The following TMEM272 variants were observed in gnomAD, a reference collection of about 807,000 sequenced individuals.
The protein encoded by TMEM272 is long intergenic non-protein coding RNA 282.
Under a neutral mutation model 3.7 loss-of-function variants are expected in TMEM272, and 8 were observed. The ratio of observed to expected loss-of-function variants is 2.17; its 90% CI spans 1.27 to 3.91. The LOEUF is 3.91. Among genes scored for constraint, TMEM272 ranks in the 30% most tolerant of loss-of-function variants. The probability of loss-of-function intolerance (pLI) is 0.00; values close to 1 mark genes in which losing one functional copy is unlikely to be tolerated. For missense variants in TMEM272, 166 were observed against 91.5 expected (o/e 1.81, Z -3.32); for synonymous variants, 63 against 39.8 (o/e 1.58, Z -2.20).
chr13:51,910,491 A>C, the TMEM272 span: 2 of 755,702 alleles, frequency 2.6e-6, no homozygotes, highest in Non-Finnish European at 4.9e-6. Context: ...TGCACATATC[A>C]CCAATTCCCA....
the TMEM272 span, among the ~76,000 whole-genome samples, chr13:51,917,717 G>A: frequency 1.3e-5 from 2 of 152,158 alleles, no homozygotes; most frequent in Non-Finnish European, 2.9e-5. Flanking sequence ...CTGAGTTCAC[G>A]TTTCTGAGCT....
chr13:51,873,329 T>C, the TMEM272 span, among the ~76,000 whole-genome samples: 18 of 152,190 alleles, frequency 1.2e-4, no homozygotes, highest in Non-Finnish European at 5.9e-5. Context: ...TATGTAGTTA[T>C]GTAAAATATA....
the TMEM272 span, among the ~76,000 whole-genome samples, chr13:51,857,519 T>C: frequency 1.3e-5 from 2 of 151,986 alleles, no homozygotes; most frequent in Non-Finnish European, 2.9e-5. Context: ...ATAAGTGGAG[T>C]TAAAATCATC....
At chr13:51,845,353 A>G (rs1956296868), upstream of TMEM272, among the ~76,000 whole-genome samples, 1 of 152,104 alleles carries the variant, frequency 6.6e-6, no homozygotes, top group South Asian at 2.1e-4. Flanking sequence ...TTCCCGCGGG[A>G]AACATTTCAT....
the TMEM272 span, chr13:51,933,140 G>A: frequency 2.0e-5 from 3 of 152,208 alleles, no homozygotes; most frequent in African/African-American, 4.8e-5. Context: ...TAGATCACCT[G>A]GTAGATTTGT....
At chr13:51,874,891 T>C in the TMEM272 span, among the ~76,000 whole-genome samples, 1 of 152,154 alleles carries the variant, frequency 6.6e-6, no homozygotes, top group African/African-American at 2.4e-5. Context: ...TTAAGTAATA[T>C]AAAACAATGC....
At chr13:51,888,117 C>T in the TMEM272 span, among the ~76,000 whole-genome samples, 1 of 151,564 alleles carries the variant, frequency 6.6e-6, no homozygotes, top group Non-Finnish European at 1.5e-5. Context: ...GTAATCTCAG[C>T]TCACTGCAAA....
upstream of TMEM272, among the ~76,000 whole-genome samples, chr13:51,847,120 C>T (rs975336988): frequency 1.1e-4 from 17 of 152,106 alleles, no homozygotes; most frequent in African/African-American, 2.4e-4. Context: ...GTATTTTCTA[C>T]GTTTAGATAC....
At chr13:51,879,355 G>A in the TMEM272 span, among the ~76,000 whole-genome samples, 11 of 7,650 alleles carry the variant, frequency 1.4e-3, no homozygotes, top group Admixed American at 0.017. Context: ...GTTAGCTCAT[G>A]TTCCTTTTCT....
intron 2 of TMEM272, among the ~76,000 whole-genome samples, chr13:51,836,822 C>T (rs1173598482): frequency 6.6e-6 from 1 of 152,126 alleles, no homozygotes; most frequent in Non-Finnish European, 1.5e-5. Flanking sequence ...AAAACAGAAG[C>T]TGGTGTTCCT....
the TMEM272 span, among the ~76,000 whole-genome samples, chr13:51,925,915 G>A: frequency 2.6e-5 from 4 of 152,172 alleles, no homozygotes; most frequent in African/African-American, 9.7e-5. Context: ...GTGTTTATGT[G>A]TGCAGTGGTG....
chr13:51,859,244 A>T, the TMEM272 span, among the ~76,000 whole-genome samples: 1 of 152,104 alleles, frequency 6.6e-6, no homozygotes, highest in Non-Finnish European at 1.5e-5. Flanking sequence ...GCTGGGGTTA[A>T]CCATAGGCTT....
At chr13:51,841,573 T>G (rs1593600597) in intron 1 of TMEM272, among the ~76,000 whole-genome samples, 1 of 152,206 alleles carries the variant, frequency 6.6e-6, no homozygotes, top group Non-Finnish European at 1.5e-5. Flanking sequence ...GAACAATGTT[T>G]CACCACAAAA....
At chr13:51,821,924 C>G (rs1257307248) in intron 4 of TMEM272, 131 bp downstream of exon 4, 1 of 681,984 alleles carries the variant, frequency 1.5e-6, no homozygotes, top group Non-Finnish European at 2.7e-6. Context: ...AGCCCCATCA[C>G]TTCAGCAACC....
chr13:51,915,006 A>C, the TMEM272 span, among the ~76,000 whole-genome samples: 10 of 152,250 alleles, frequency 6.6e-5, no homozygotes, highest in Non-Finnish European at 1.2e-4. Context: ...AATTACAAAT[A>C]CAAAATTAGG....
intron 1 of TMEM272, among the ~76,000 whole-genome samples, chr13:51,839,521 G>A (rs888184905): frequency 2.0e-5 from 3 of 152,122 alleles, no homozygotes; most frequent in East Asian, 1.9e-4. Flanking sequence ...CAGAGTAGCC[G>A]CGGCTCCATT....
intron 3 of TMEM272, among the ~76,000 whole-genome samples, chr13:51,824,996 G>A (rs1956112010): frequency 6.6e-6 from 1 of 152,158 alleles, no homozygotes; most frequent in Non-Finnish European, 1.5e-5. Context: ...GGGTCCAAAG[G>A]CTAGGGTTCT....
At chr13:51,867,689 A>AT in the TMEM272 span, among the ~76,000 whole-genome samples, 3 of 152,128 alleles carry the variant, frequency 2.0e-5, no homozygotes, top group African/African-American at 7.2e-5. Flanking sequence ...TTCTCAGAGG[A>AT]AGCAGGGTCA....
intron 2 of TMEM272, among the ~76,000 whole-genome samples, chr13:51,835,467 G>A (rs1956208985): frequency 6.6e-6 from 1 of 152,110 alleles, no homozygotes; most frequent in Admixed American, 6.5e-5. Flanking sequence ...GTCGTGATCT[G>A]CTCGCCTCGG....
Sources: allele counts gnomAD v4.1 joint callset (sites outside exome capture counted in the v4.1 genomes callset), GRCh38; gene constraint gnomAD v4.1.1; transcripts MANE v1.5; gene names NCBI Gene and HGNC (gene_info 2026-07-23, HGNC 2026-07-21).